The following CSMD3 variants were observed in gnomAD, a reference collection of about 807,000 sequenced individuals.
The protein encoded by CSMD3 is CUB and Sushi multiple domains 3, also known as CUB and sushi domain-containing protein 3.
CSMD3 carries 177 observed loss-of-function variants against 435.2 expected under a neutral mutation model. The observed-to-expected ratio is 0.41, with a 90% CI of 0.36 to 0.46. CSMD3 has a LOEUF of 0.46. Among genes scored for constraint, CSMD3 ranks in the 20% least tolerant of loss-of-function variants. The pLI is 0.34. For synonymous variants in CSMD3, 1,656 were observed against 1,520.5 expected (o/e 1.09, Z -2.07); for missense variants, 4,265 against 4,504.6 (o/e 0.95, Z 1.52).
At chr8:113,245,606 A>C (rs2093268291) in intron 3 of CSMD3, among the ~76,000 whole-genome samples, 1 of 152,004 alleles carries the variant, frequency 6.6e-6, no homozygotes, top group Admixed American at 6.6e-5. Flanking sequence ...CCATTAACAG[A>C]GTTTCTTAAT....
At chr8:113,031,364 G>A (rs1482252511) in intron 5 of CSMD3, among the ~76,000 whole-genome samples, 2 of 151,564 alleles carry the variant, frequency 1.3e-5, no homozygotes, top group Non-Finnish European at 2.9e-5. Flanking sequence ...AAATCTCAAG[G>A]TAATTATGTA....
intron 27 of CSMD3, among the ~76,000 whole-genome samples, chr8:112,549,409 T>C (rs1014136754): frequency 2.6e-5 from 4 of 152,052 alleles, no homozygotes; most frequent in African/African-American, 7.2e-5. Flanking sequence ...TTTAGAGATA[T>C]TGACTTTTCA....
chr8:112,367,097 A>T (rs1413361718), intron 38 of CSMD3, among the ~76,000 whole-genome samples: 1 of 152,082 alleles, frequency 6.6e-6, no homozygotes, highest in Non-Finnish European at 1.5e-5. Flanking sequence ...TTTGTGGCAT[A>T]TCTATAACCT....
At chr8:112,868,186 G>A (rs923285302) in intron 10 of CSMD3, among the ~76,000 whole-genome samples, 2 of 152,004 alleles carry the variant, frequency 1.3e-5, no homozygotes, top group African/African-American at 2.4e-5. Context: ...CTTGTCCCAC[G>A]GACAGATCCT....
At chr8:112,381,598 G>A (rs1016561113) in intron 37 of CSMD3, among the ~76,000 whole-genome samples, 1 of 152,134 alleles carries the variant, frequency 6.6e-6, no homozygotes, top group Non-Finnish European at 1.5e-5. Context: ...CACCCCTGAT[G>A]TCTTCTATGG....
chr8:112,444,057 A>T (rs1815336534), intron 32 of CSMD3, among the ~76,000 whole-genome samples: 1 of 152,192 alleles, frequency 6.6e-6, no homozygotes. Flanking sequence ...ACTATTTTTG[A>T]ATGCATAAGT....
chr8:113,253,781 G>T (rs1401229481), intron 3 of CSMD3, among the ~76,000 whole-genome samples: 1 of 151,654 alleles, frequency 6.6e-6, no homozygotes, highest in African/African-American at 2.4e-5. Context: ...GGAGGTTGCA[G>T]TGACCCGAGA....
At chr8:113,325,332 T>C (rs1318269615) in intron 1 of CSMD3, among the ~76,000 whole-genome samples, 3 of 152,152 alleles carry the variant, frequency 2.0e-5, no homozygotes, top group Non-Finnish European at 4.4e-5. Flanking sequence ...GAGAGATAAT[T>C]GAATCATGGG....
At chr8:113,306,594 T>A (rs1207493515) in intron 2 of CSMD3, among the ~76,000 whole-genome samples, 1 of 152,130 alleles carries the variant, frequency 6.6e-6, no homozygotes, top group East Asian at 1.9e-4. Flanking sequence ...AAAAGAGGCA[T>A]CAAGTATAGT....
At chr8:113,355,232 CATGT>C (rs991694348) in intron 1 of CSMD3, among the ~76,000 whole-genome samples, 2 of 151,940 alleles carry the variant, frequency 1.3e-5, no homozygotes, top group Non-Finnish European at 2.9e-5. Context: ...TATATATAAA[CATGT>C]ATGTGTAGGT....
rs563097387 is a variant in CSMD3 at position 112,992,806 on chromosome 8, T to C, written c.1031-16658A>G. On this transcript the variant is annotated intron_variant, in intron 6 of 70. Transcript: ENST00000297405. ...TTGTGTGCCTGTGTGTGTGTGCTTG[T>C]GTATGTGCCTCTGTGTGTGTGTGTG... Among the ~76,000 whole-genome samples the C allele has an allele frequency of 2.0e-5, 3 of 151,790 alleles. No homozygotes were observed. The South Asian group carries it at 6.2e-4, about 31-fold the overall frequency.
intron 13 of CSMD3, among the ~76,000 whole-genome samples, chr8:112,733,866 C>T (rs761004685): frequency 5.9e-5 from 9 of 151,946 alleles, no homozygotes; most frequent in Non-Finnish European, 1.3e-4. Context: ...ATATGTAAAA[C>T]ATACATAATA....
intron 11 of CSMD3, among the ~76,000 whole-genome samples, chr8:112,849,673 C>A (rs1554697199): frequency 6.6e-6 from 1 of 151,612 alleles, no homozygotes; most frequent in South Asian, 2.1e-4. Context: ...GGATTAGACT[C>A]CATTTATACT....
intron 27 of CSMD3, among the ~76,000 whole-genome samples, chr8:112,520,752 A>C (rs1055696186): frequency 6.6e-6 from 1 of 151,934 alleles, no homozygotes; most frequent in African/African-American, 2.4e-5. Flanking sequence ...ATATATGTCA[A>C]ATAACATTTT....
In CSMD3 at chr8:112,303,100, G is replaced by A. The variant is rs553135676; in HGVS notation, c.8267-1134C>T. Among the ~76,000 whole-genome samples the A allele has an allele frequency of 3.3e-5, 5 of 152,146 alleles. No individual in the cohort carries two copies. The South Asian group carries it at 1.0e-3, about 32-fold the overall frequency. On this transcript the variant is annotated intron_variant, in intron 52 of 70. Transcript: ENST00000297405. ...ATTTGTTGAAAACCTGATTAAATGA[G>A]TGTTTCTGTTGTAGATAATAATTAC...
intron 3 of CSMD3, among the ~76,000 whole-genome samples, chr8:113,220,438 C>G (rs1213170141): frequency 1.3e-5 from 2 of 151,236 alleles, no homozygotes; most frequent in African/African-American, 4.8e-5. Context: ...GCTAAATCCA[C>G]GGCAACCTTA....
rs771285302 is a variant in CSMD3 at position 112,975,983 on chromosome 8, G to A, written c.1196C>T (p.Thr399Met). The A allele has an allele frequency of 1.5e-5, 24 of 1,613,966 alleles. No homozygotes were observed. Among genetic ancestry groups the A allele is most frequent in the East Asian group, 1.3e-4 (6 of 44,858 alleles). The change falls in exon 7 of 71, where the codon ACG becomes ATG. Residue 399 changes from threonine (T) to methionine (M), a missense_variant. Transcript: ENST00000297405. ...RLSEEQRVQV[T>M]SLRNSGLDPN... is the part of the protein sequence containing the mutation. ...GTCCAGACCTGAATTTCTGAGACTC[G>A]TAACTTGCACTCGCTGTTCCTCGGA...
chr8:112,966,630 G>A (rs894621003), intron 7 of CSMD3, among the ~76,000 whole-genome samples: 1 of 151,508 alleles, frequency 6.6e-6, no homozygotes, highest in East Asian at 1.9e-4. Flanking sequence ...TTAAAGTATA[G>A]AATTTTGAGT....
At chr8:112,598,458 G>A (rs1338092797) in intron 22 of CSMD3, among the ~76,000 whole-genome samples, 1 of 148,250 alleles carries the variant, frequency 6.7e-6, no homozygotes, top group South Asian at 2.2e-4. Context: ...GTAATTTACA[G>A]ATTCAATGCC....
Sources: allele counts gnomAD v4.1 joint callset (sites outside exome capture counted in the v4.1 genomes callset), GRCh38; gene constraint gnomAD v4.1.1; transcripts MANE v1.5; gene names NCBI Gene and HGNC (gene_info 2026-07-23, HGNC 2026-07-21).